The following CFAP46 variants were observed in gnomAD, a reference collection of about 807,000 sequenced individuals.
CFAP46 encodes the protein cilia and flagella associated protein 46.
CFAP46 carries 245 observed loss-of-function variants against 325.7 expected under a neutral mutation model. The observed-to-expected ratio is 0.75, with a 90% CI of 0.68 to 0.84. CFAP46 has a LOEUF of 0.84. Among genes scored for constraint, CFAP46 ranks in the 40% least tolerant of loss-of-function variants. CFAP46 has a pLI of 0.00. For missense variants in CFAP46, 3,346 were observed against 3,543.0 expected (o/e 0.94, Z 1.41); for synonymous variants, 1,523 against 1,495.9 (o/e 1.02, Z -0.42).
In CFAP46 at chr10:132,879,606, G is replaced by C; in HGVS notation, c.3825C>G (p.Pro1275=). Reference sequence around the variant, plus strand: ...CGGCCTCGGACACGGGGCTCCGTGGGGGCATCTCCACAGCCACGTACTCCC... The same window carrying C: ...CGGCCTCGGACACGGGGCTCCGTGGCGGCATCTCCACAGCCACGTACTCCC... ...PDGEYVAVEM[P]PRSPVSEAEE... Residue 1275 remains proline, a synonymous_variant, in exon 29 of 58, where the codon CCC becomes CCG. Transcript: ENST00000368586. The C allele has an allele frequency of 6.5e-7, 1 of 1,542,852 alleles. No homozygotes were observed. The highest frequency in any genetic ancestry group is 1.4e-5 in the African/African-American group (1 of 72,986).
chr10:132,918,820 C>T (rs1343973810), intron 15 of CFAP46, among the ~76,000 whole-genome samples: 14 of 152,190 alleles, frequency 9.2e-5, no homozygotes, highest in Admixed American at 5.9e-4. Flanking sequence ...CCCCTGCCTT[C>T]TTGGGGGGTG....
intron 25 of CFAP46, among the ~76,000 whole-genome samples, chr10:132,887,314 CCCTCTCT>C (rs1247147644): frequency 1.1e-5 from 1 of 87,862 alleles, no homozygotes; most frequent in East Asian, 3.4e-4. Context: ...CTCTTCTCTC[CCCTCTCT>C]CCTCTCTCGC....
rs1849356845 is a variant in CFAP46 at position 132,899,058 on chromosome 10, G to A, written c.3120C>T (p.Ala1040=). The A allele has an allele frequency of 6.4e-7, 1 of 1,550,624 alleles. No individual in the cohort carries two copies. Among genetic ancestry groups the A allele is most frequent in the African/African-American group, 1.4e-5 (1 of 73,176 alleles). The change falls in exon 24 of 58, where the codon GCC becomes GCT. Residue 1040 remains alanine (A), a synonymous_variant. Transcript: ENST00000368586. ...CGGCTGAGGACAGCAGTGGGAGCCA[G>A]GCGTTCCAGTAATGCCGCGCGGCCA... ...VMLAARHYWN[A]WLPLLSSAVY... is the part of the protein sequence containing the mutation.
At chr10:132,933,254 C>T (rs1849941291) in intron 8 of CFAP46, among the ~76,000 whole-genome samples, 1 of 152,082 alleles carries the variant, frequency 6.6e-6, no homozygotes, top group South Asian at 2.1e-4. Context: ...TCCTGGCAGG[C>T]CTGGCATCAC....
intron 33 of CFAP46, among the ~76,000 whole-genome samples, chr10:132,868,574 TC>T (rs1193470448): frequency 1.3e-5 from 2 of 152,192 alleles, no homozygotes; most frequent in African/African-American, 4.8e-5. Flanking sequence ...AATTCCACTT[TC>T]ACCATAACAG....
Position 132,939,209 on chromosome 10 carries a change from TGTCAGGAGGCA to T in CFAP46, c.372-467_372-457del, listed in dbSNP as rs1850061329. On this transcript the variant is annotated intron_variant, in intron 4 of 57. Transcript: ENST00000368586. This position sits in a 1 kb window ranked among gnomAD's most constrained non-coding sequence, Gnocchi z 4.6. ...TACATGCCTGCTGTGACCTGAAAGA[TGTCAGGAGGCA>T]GCCAAGACAGTAGTAGAGGAAAAGA... Among the ~76,000 whole-genome samples the T allele has an allele frequency of 6.6e-6, 1 of 152,096 alleles. No individual in the cohort carries two copies. The highest frequency in any genetic ancestry group is 2.4e-5 in the African/African-American group (1 of 41,414).
intron 17 of CFAP46, among the ~76,000 whole-genome samples, chr10:132,915,391 G>A (rs375862695): frequency 4.3e-4 from 66 of 152,384 alleles, no homozygotes; most frequent in African/African-American, 1.4e-3. Flanking sequence ...TGCAGGAGAG[G>A]GATCCCAAGA....
chr10:132,843,926 A>G (rs1752914370), intron 44 of CFAP46, among the ~76,000 whole-genome samples: 1 of 130,462 alleles, frequency 7.7e-6, no homozygotes, highest in Admixed American at 7.9e-5. Context: ...GGGTGTTCCC[A>G]GGATGCTGTA....
chr10:132,826,718 A>G lies in CFAP46; in HGVS notation c.7117+6640T>C, dbSNP rs895818254. ...GGAGCCAGGCAGGAGCCGGAGCCACAGAGACCAGCCACGGAGCCAGGCAGA... is the reference window on the plus strand; with the variant it reads ...GGAGCCAGGCAGGAGCCGGAGCCACGGAGACCAGCCACGGAGCCAGGCAGA... On this transcript the variant is annotated intron_variant, in intron 50 of 57. Transcript: ENST00000368586. 1.0e-3 allele frequency among the ~76,000 whole-genome samples: 142 copies of G among 137,134 alleles called. 1 individual carries two copies. The highest frequency in any genetic ancestry group is 3.3e-3 in the African/African-American group (122 of 36,488). The allele number at this position is 137,134 out of a possible 152,430, so 90.0% of individuals were successfully genotyped here. A position where few individuals can be genotyped will look rare whatever the true frequency, so the allele number is the denominator to read the frequency against.
intron 39 of CFAP46, among the ~76,000 whole-genome samples, chr10:132,855,779 T>A (rs1848633082): frequency 6.6e-6 from 1 of 152,198 alleles, no homozygotes; most frequent in Admixed American, 6.5e-5. Flanking sequence ...GACCTCCCAA[T>A]CTTTATGCTA....
chr10:132,859,682 G>A (rs1210222654), intron 37 of CFAP46, among the ~76,000 whole-genome samples: 2 of 152,212 alleles, frequency 1.3e-5, no homozygotes, highest in Middle Eastern at 3.2e-3. Context: ...GCCACAGCAG[G>A]GCCCTGGGCT....
chr10:132,826,272 C>A (rs1245256407), intron 50 of CFAP46, among the ~76,000 whole-genome samples: 1 of 144,002 alleles, frequency 6.9e-6, no homozygotes, highest in African/African-American at 2.7e-5. Flanking sequence ...CGGAGCCAGG[C>A]AGGAGCCGGA....
chr10:132,926,778 A>C, intron 9 of CFAP46, 112 bp from the exon 10 acceptor site: 1 of 795,754 alleles, frequency 1.3e-6, no homozygotes, highest in African/African-American at 1.7e-5. Context: ...TTTAACAAAT[A>C]CAAGTCACAC....
chr10:132,909,834 C>CG, intron 20 of CFAP46, 85 bp downstream of exon 20: 1 of 1,299,388 alleles, frequency 7.7e-7, no homozygotes, highest in Non-Finnish European at 9.9e-7. Context: ...TAAGTGGTCC[C>CG]GGGGGCCCCA....
Position 132,886,014 on chromosome 10 carries a change from G to A in CFAP46, c.3305-55C>T, listed in dbSNP as rs186426149. 51 of 1,535,216 alleles carry A rather than the reference G, an allele frequency of 3.3e-5. No homozygotes were observed. The highest frequency in any genetic ancestry group is 2.8e-5 in the Non-Finnish European group (32 of 1,136,672). ...AGCCGCCTGATCCCTCATCAAAGGCGCCCTCGGACCTCCCAGACTAAGCTG... is the reference window on the plus strand; with the variant it reads ...AGCCGCCTGATCCCTCATCAAAGGCACCCTCGGACCTCCCAGACTAAGCTG... On this transcript the variant is annotated intron_variant, in intron 25 of 57. Transcript: ENST00000368586. This position sits in a 1 kb window ranked among gnomAD's most constrained non-coding sequence, Gnocchi z 5.8.
intron 50 of CFAP46, among the ~76,000 whole-genome samples, chr10:132,822,221 CTGTGTGCGGTGA>C (rs1847867450): frequency 8.5e-6 from 1 of 117,966 alleles, no homozygotes; most frequent in Non-Finnish European, 1.7e-5. Flanking sequence ...CTGATGTGTG[CTGTGTGCGGTGA>C]TGTGTGCTGT....
At chr10:132,873,053 G>A (rs4242726) in intron 31 of CFAP46, among the ~76,000 whole-genome samples, 51,587 of 152,056 alleles carry the variant, frequency 0.34, 9,854 homozygotes, top group Admixed American at 0.5. Context: ...ATTTTGTCAC[G>A]TGATAATCTT....
intron 32 of CFAP46, among the ~76,000 whole-genome samples, chr10:132,870,031 C>T (rs1452067534): frequency 3.9e-5 from 6 of 152,244 alleles, no homozygotes; most frequent in Admixed American, 3.9e-4. Context: ...AGCACCTGCT[C>T]ACTCGGTGTC....
In CFAP46 at chr10:132,847,536, G is replaced by A. The variant is rs977019006; in HGVS notation, c.5953-215C>T. The stretch of plus-strand genomic sequence containing the variant: ...GACCCGTGAGCCTGGGCAAGGGGAC[G>A]CTGGAGCCTGGGCGAGGGGATGCTG... On this transcript the variant is annotated intron_variant, in intron 41 of 57. Transcript: ENST00000368586. The surrounding 1 kb of genome is among the most constrained non-coding windows in gnomAD (Gnocchi z 5.2). Among the ~76,000 whole-genome samples the A allele has an allele frequency of 6.6e-6, 1 of 151,572 alleles. No individual in the cohort carries two copies. The highest frequency in any genetic ancestry group is 1.5e-5 in the Non-Finnish European group (1 of 67,816).
Sources: gnomAD v4.1 joint callset for allele counts (sites outside exome capture counted in the v4.1 genomes callset) on GRCh38, gnomAD v4.1.1 for gene constraint, Gnocchi (gnomAD v3.1) non-coding constraint, MANE v1.5 for transcripts, NCBI Gene and HGNC (gene_info 2026-07-23, HGNC 2026-07-21) for gene names.